ZNF426: variants seen among roughly 807,000 people sequenced by gnomAD.
ZNF426 encodes the protein CTC-543D15.7.
ZNF426 carries 23 observed loss-of-function variants against 24.0 expected under a neutral mutation model. The ratio of observed to expected loss-of-function variants is 0.96; its 90% confidence interval spans 0.69 to 1.36. The LOEUF (loss-of-function observed/expected upper bound fraction) is 1.36, where lower values mean the gene tolerates loss of function less well. Ranked by LOEUF, ZNF426 falls within the 40% of genes most tolerant of loss-of-function variation. The pLI, the probability that ZNF426 is intolerant of heterozygous loss-of-function variation, is 0.00. For synonymous variants in ZNF426, 272 were observed against 224.6 expected (o/e 1.21, Z -1.89); for missense variants, 646 against 658.4 (o/e 0.98, Z 0.21).
At position 9,536,953 on chromosome 19, in the gene ZNF426, T is replaced by C. The variant is rs181448976; in HGVS notation, c.-124-597A>G. On this transcript the variant is annotated intron_variant, in intron 2 of 7. Transcript: ENST00000253115. ...TTCAAGACCGGCCTAACCAACACGG[T>C]GAAACTCCATCTCTACTAAAAATAC... is the stretch of plus-strand genomic sequence containing the variant. Among the ~76,000 whole-genome samples, 353 of 152,024 alleles carry C rather than the reference T, an allele frequency of 2.3e-3. 2 individuals are homozygous for C. In the Middle Eastern group the frequency reaches 0.024, roughly 10 times the overall value.
At chr19:9,536,430 G>C (rs932355578) in intron 2 of ZNF426, 74 bp from the exon 3 acceptor site, 102 of 1,402,702 alleles carry the variant, frequency 7.3e-5, no homozygotes, top group Middle Eastern at 2.0e-4. Context: ...GGCTGGGGCA[G>C]TAGCTCATGC....
chr19:9,535,380 C>T (rs2144777984), intron 3 of ZNF426, 101 bp from the exon 4 acceptor site: 1 of 806,574 alleles, frequency 1.2e-6, no homozygotes. Flanking sequence ...CCATATATTC[C>T]TGCAAAATCA....
intron 2 of ZNF426, among the ~76,000 whole-genome samples, chr19:9,537,373 G>T (rs1207287586): frequency 1.3e-5 from 2 of 151,892 alleles, no homozygotes; most frequent in African/African-American, 2.4e-5. Flanking sequence ...TACTCCCAGG[G>T]GTCTCAAACT....
At chr19:9,531,126 TG>T (rs2073877702) in intron 6 of ZNF426, 59 bp from the exon 7 acceptor site, 1 of 1,394,758 alleles carries the variant, frequency 7.2e-7, no homozygotes, top group South Asian at 1.2e-5. Context: ...GGCTCATGCC[TG>T]TAATCCCAGC....
chr19:9,536,666 G>A lies in ZNF426; in HGVS notation c.-124-310C>T, dbSNP rs1182049748. The A allele has an allele frequency of 3.1e-5, 7 of 227,852 alleles. No individual in the cohort carries two copies. In the East Asian group the frequency reaches 9.0e-4, roughly 29 times the overall value. 14.1% of individuals were successfully genotyped at this position (227,852 alleles called of 1,614,324 possible). A position where few individuals can be genotyped will look rare whatever the true frequency, so the allele number is the denominator to read the frequency against. The stretch of plus-strand genomic sequence containing the variant: ...CTCACAATACACTTTTAAGTATTGG[G>A]TAGCCTCAACTGGGCCTTGATTGGA... On this transcript the variant is annotated intron_variant, in intron 2 of 7. Coordinates refer to ENST00000253115, the MANE Select transcript of ZNF426 (RefSeq NM_024106.3).
chr19:9,529,453 CAG>C lies in ZNF426; in HGVS notation c.590_591del (p.Ser197Ter), dbSNP rs1400106423. The part of the protein sequence containing the change: ...CEKTSTGEKL[S>X]EFNQSEKIFS... ...AAGATTTTTTCACTCTGATTAAACT[CAG>C]AAAGTTTCTCACCAGTAGAGGTTTT... On this transcript the variant is annotated frameshift_variant, in exon 8 of 8. Transcript: ENST00000253115. LOFTEE classifies it low-confidence loss of function (END_TRUNC). 6.2e-7 allele frequency: 1 copy of C among 1,613,826 alleles called. No individual in the cohort carries two copies. The highest frequency in any genetic ancestry group is 8.5e-7 in the Non-Finnish European group (1 of 1,179,980).
Position 9,533,745 on chromosome 19 carries a change from T to C in ZNF426, c.244+95A>G, listed in dbSNP as rs886114610. 5.0e-5 allele frequency: 77 copies of C among 1,533,330 alleles called. No individual in the cohort carries two copies. In the African/African-American group the frequency reaches 8.8e-4, roughly 18 times the overall value. 95.0% of individuals were successfully genotyped at this position (1,533,330 alleles called of 1,614,324 possible). A position where few individuals can be genotyped will look rare whatever the true frequency, so the allele number is the denominator to read the frequency against. ...AGGGACTATGTCTCTGTTATTTCTC[T>C]TTGCATTCAGAGTTGACATTGCCAA... On this transcript the variant is annotated intron_variant, in intron 5 of 7. Coordinates refer to ENST00000253115, the MANE Select transcript of ZNF426 (RefSeq NM_024106.3).
chr19:9,524,267 T>C lies in ZNF426; in HGVS notation c.*4113A>G, dbSNP rs1052602471. On this transcript the variant is annotated 3_prime_UTR_variant, in exon 8 of 8. Transcript: ENST00000253115. ...TGAAGCCTTTCCCATATTTTCCATT[T>C]ACATAGGGTTTCCTGCCACTGTGAA... 7 of 152,242 alleles carry C rather than the reference T, an allele frequency of 4.6e-5. No individual in the cohort carries two copies. The highest frequency in any genetic ancestry group is 1.4e-4 in the African/African-American group (6 of 41,470). The allele number at this position is 152,242 out of a possible 1,614,324, so 9.4% of individuals were successfully genotyped here.
intron 3 of ZNF426, among the ~76,000 whole-genome samples, chr19:9,535,837 A>T (rs75115337): frequency 1.4e-5 from 2 of 144,954 alleles, no homozygotes; most frequent in Admixed American, 6.8e-5. Flanking sequence ...TTGTATAAGA[A>T]AAAAAAAAAA....
In ZNF426 at chr19:9,529,355, T is replaced by C. The variant is rs1210273658; in HGVS notation, c.690A>G (p.Gly230=). 7 of 1,614,238 alleles carry C rather than the reference T, an allele frequency of 4.3e-6. No homozygotes were observed. The South Asian group carries it at 7.7e-5, about 18-fold the overall frequency. The change falls in exon 8 of 8, where the codon GGA becomes GGG. Residue 230 remains glycine (G), a synonymous_variant. Transcript: ENST00000253115. ...QEKSFECSHC[G]KSFINESYLQ... ...GGTATGACTCATTAATGAAGGATTT[T>C]CCACAGTGACTACATTCAAATGACT...
chr19:9,524,847 C>A lies in ZNF426; in HGVS notation c.*3533G>T, dbSNP rs1207100813. 1 of 146,340 alleles carries A rather than the reference C, an allele frequency of 6.8e-6. No homozygotes were observed. The highest frequency in any genetic ancestry group is 2.5e-5 in the African/African-American group (1 of 40,276). The allele number at this position is 146,340 out of a possible 1,614,324, so 9.1% of individuals were successfully genotyped here. On this transcript the variant is annotated 3_prime_UTR_variant, in exon 8 of 8. Coordinates refer to ENST00000253115, the MANE Select transcript of ZNF426 (RefSeq NM_024106.3). ...CATACTACTTATATTCACAGGGTTT[C>A]TTTACCATGTGAGTTCATATACTTG...
chr19:9,535,166 T>C lies in ZNF426; in HGVS notation c.117+22A>G, dbSNP rs749961646. 35 of 1,593,928 alleles carry C rather than the reference T, an allele frequency of 2.2e-5. No individual in the cohort carries two copies. The South Asian group carries it at 3.8e-4, about 17-fold the overall frequency. ...GTGGATGCAAGTATGTCACTATGTA[T>C]AAGAATACAGCTGCTTTTTACCTGA... is the stretch of plus-strand genomic sequence containing the variant. On this transcript the variant is annotated intron_variant, in intron 4 of 7. Coordinates refer to ENST00000253115, the MANE Select transcript of ZNF426 (RefSeq NM_024106.3).
rs2073773142 is a variant in ZNF426 at position 9,524,641 on chromosome 19, C to T, written c.*3739G>A. The T allele has an allele frequency of 2.0e-5, 3 of 151,968 alleles. No individual in the cohort carries two copies. Among genetic ancestry groups the T allele is most frequent in the Admixed American group, 1.3e-4 (2 of 15,250 alleles). 9.4% of individuals were successfully genotyped at this position (151,968 alleles called of 1,614,324 possible). On this transcript the variant is annotated 3_prime_UTR_variant, in exon 8 of 8. Coordinates refer to ENST00000253115, the MANE Select transcript of ZNF426 (RefSeq NM_024106.3). ...CACTAAAAATACAAAATTAGCTGGGCATGGTGGTACATGCCTGTAATCCCA... is the reference window on the plus strand; with the variant it reads ...CACTAAAAATACAAAATTAGCTGGGTATGGTGGTACATGCCTGTAATCCCA...
chr19:9,528,965 T>C lies in ZNF426; in HGVS notation c.1080A>G (p.Gly360=). 1 of 1,613,940 alleles carries C rather than the reference T, an allele frequency of 6.2e-7. No individual in the cohort carries two copies. Among genetic ancestry groups the C allele is most frequent in the Non-Finnish European group, 8.5e-7 (1 of 1,179,916 alleles). ...GLSMHVRSHS[G]DKPYECKECG... Reference sequence around the variant, plus strand: ...ATTCCTTACATTCATAGGGCTTGTCTCCACTGTGAGATCGTACATGCATAC... The same window carrying C: ...ATTCCTTACATTCATAGGGCTTGTCCCCACTGTGAGATCGTACATGCATAC... The change falls in exon 8 of 8, where the codon GGA becomes GGG. Residue 360 remains glycine, a synonymous_variant. Coordinates refer to ENST00000253115, the MANE Select transcript of ZNF426 (RefSeq NM_024106.3).
chr19:9,529,361 G>A lies in ZNF426; in HGVS notation c.684C>T (p.His228=), dbSNP rs572593883. 6.2e-7 allele frequency: 1 copy of A among 1,614,074 alleles called. No homozygotes were observed. ...ACTCATTAATGAAGGATTTTCCACA[G>A]TGACTACATTCAAATGACTTTTCTT... ...STQEKSFECS[H]CGKSFINESY... is the part of the protein sequence containing the mutation. Residue 228 remains histidine, a synonymous_variant, in exon 8 of 8, where the codon CAC becomes CAT. Transcript: ENST00000253115.
At position 9,529,312 on chromosome 19, in the gene ZNF426, T is replaced by G. The variant is rs1299557881; in HGVS notation, c.733A>C (p.Thr245Pro). 9 of 1,613,994 alleles carry G rather than the reference T, an allele frequency of 5.6e-6. No individual in the cohort carries two copies. Among genetic ancestry groups the G allele is most frequent in the Non-Finnish European group, 7.6e-6 (9 of 1,180,022 alleles). The change falls in exon 8 of 8, where the codon ACT becomes CCT. Residue 245 changes from threonine (T) to proline (P), a missense_variant. Physicochemically the swap from Thr to Pro is conservative, Grantham distance 38. Coordinates refer to ENST00000253115, the MANE Select transcript of ZNF426 (RefSeq NM_024106.3). Reference protein sequence around the residue: ...NESYLQAHMRTHNGEKLYEWR... With the variant: ...NESYLQAHMRPHNGEKLYEWR... Reference sequence around the variant, plus strand: ...TCGTAGAGTTTTTCTCCATTGTGAGTTCTCATATGTGCCTGAAGGTATGAC... The same window carrying G: ...TCGTAGAGTTTTTCTCCATTGTGAGGTCTCATATGTGCCTGAAGGTATGAC...
rs1053071237 is a variant in ZNF426, at chr19:9,523,992, A to C, written c.*4388T>G. The stretch of plus-strand genomic sequence containing the variant: ...TGCATATGAATATTAAAGCTTGTGG[A>C]ACATAAAAGGGTTTTCCCACAATCC... On this transcript the variant is annotated 3_prime_UTR_variant, in exon 8 of 8. Coordinates refer to ENST00000253115, the MANE Select transcript of ZNF426 (RefSeq NM_024106.3). The C allele has an allele frequency of 6.6e-6, 1 of 152,254 alleles. No individual in the cohort carries two copies. The highest frequency in any genetic ancestry group is 1.5e-5 in the Non-Finnish European group (1 of 68,042). 9.4% of individuals were successfully genotyped at this position (152,254 alleles called of 1,614,324 possible).
At chr19:9,533,006 T>C in intron 5 of ZNF426, 81 bp from the exon 6 acceptor site, 19 of 1,180,056 alleles carry the variant, frequency 1.6e-5, no homozygotes, top group Non-Finnish European at 2.4e-5. Flanking sequence ...ACTACAGATC[T>C]AATGAAAGTG....
chr19:9,529,731 A>ATGT, intron 7 of ZNF426, 95 bp from the exon 8 acceptor site: 3 of 1,224,958 alleles, frequency 2.4e-6, no homozygotes, highest in Non-Finnish European at 3.4e-6. Flanking sequence ...GGTGATTATA[A>ATGT]TTGATGCCAT....
Sources: allele counts gnomAD v4.1 joint callset (sites outside exome capture counted in the v4.1 genomes callset), GRCh38; gene constraint gnomAD v4.1.1; transcripts MANE v1.5; gene names NCBI Gene and HGNC (gene_info 2026-07-23, HGNC 2026-07-21).